The following TAF7L variants were observed in gnomAD, a reference collection of about 807,000 sequenced individuals.
The protein encoded by TAF7L is transcription initiation factor TFIID subunit 7-like.
A neutral mutation model predicts 30.2 loss-of-function variants in TAF7L; 6 were observed. That is an observed-to-expected ratio of 0.20 (90% CI 0.11 to 0.39). The LOEUF (loss-of-function observed/expected upper bound fraction) is 0.39. TAF7L is among the 10% of genes least tolerant of loss of function. The pLI, the probability that TAF7L is intolerant of heterozygous loss-of-function variation, is 1.00. For synonymous variants in TAF7L, 93 were observed against 94.5 expected (o/e 0.98, Z 0.09); for missense variants, 284 against 277.1 (o/e 1.03, Z -0.18).
At chrX:101,278,689 G>A (rs757988636) in intron 7 of TAF7L, among the ~76,000 whole-genome samples, 1 of 112,569 alleles carries the variant, frequency 8.9e-6, no homozygotes, top group East Asian at 2.8e-4. Flanking sequence ...AACAACTGCT[G>A]TTAAAAGTGA....
intron 12 of TAF7L, among the ~76,000 whole-genome samples, chrX:101,271,964 G>A (rs1340075875): frequency 1.8e-5 from 2 of 111,570 alleles, no homozygotes. Flanking sequence ...TTGCTGAGAG[G>A]AAGGGAATAT....
At chrX:101,287,015 T>C (rs1397678399) in intron 2 of TAF7L, among the ~76,000 whole-genome samples, 1 of 112,203 alleles carries the variant, frequency 8.9e-6, no homozygotes, top group Admixed American at 9.5e-5. Flanking sequence ...ATCCTTAATA[T>C]AGCTGCCTAG....
At chrX:101,272,575 A>G (rs867798928) in intron 12 of TAF7L, among the ~76,000 whole-genome samples, 1 of 111,856 alleles carries the variant, frequency 8.9e-6, no homozygotes, top group Middle Eastern at 4.6e-3. Context: ...TAACTAGAAT[A>G]GGCAGTAGAT....
upstream of TAF7L, chrX:101,292,868 C>G: frequency 8.3e-7 from 1 of 1,211,506 alleles, no homozygotes; most frequent in South Asian, 1.8e-5. Flanking sequence ...GTGTCCTCGT[C>G]GGCAGGAATC....
Position 101,269,219 on chromosome X carries a change from G to C in TAF7L, c.1105C>G (p.Gln369Glu), listed in dbSNP as rs1923890871. Reference protein sequence around the residue: ...KNEKLISLQEQLQRFLKK With the variant: ...KNEKLISLQEELQRFLKK ...CACTTCTTCAGAAAACGCTGCAACTGTTCCTGTAGGGAAATGAGCTGTAGG... is the reference window on the plus strand; with the variant it reads ...CACTTCTTCAGAAAACGCTGCAACTCTTCCTGTAGGGAAATGAGCTGTAGG... Residue 369 changes from glutamine (Q) to glutamate (E), a missense_variant, in exon 13 of 13, where the codon CAG becomes GAG. By Grantham distance (29) the Gln-to-Glu change is conservative. Coordinates refer to ENST00000356784, the MANE Select transcript of TAF7L (RefSeq NM_001168474.2). 7.5e-6 allele frequency: 9 copies of C among 1,207,132 alleles called. No homozygotes were observed. Among genetic ancestry groups the C allele is most frequent in the Non-Finnish European group, 9.0e-6 (8 of 893,420 alleles).
At chrX:101,289,744 G>A (rs1421005478) in intron 1 of TAF7L, among the ~76,000 whole-genome samples, 1 of 109,888 alleles carries the variant, frequency 9.1e-6, no homozygotes, top group African/African-American at 3.3e-5. Flanking sequence ...CACCACACCC[G>A]GCTAAATTTT....
upstream of TAF7L, chrX:101,292,940 C>A (rs778574550): frequency 1.2e-5 from 15 of 1,210,766 alleles, no homozygotes; most frequent in South Asian, 1.8e-5. Flanking sequence ...GACCCACGGT[C>A]GACAAGAATT....
chrX:101,276,337 A>G lies in TAF7L; in HGVS notation c.883T>C (p.Tyr295His), dbSNP rs759663648. The change falls in exon 10 of 13, where the codon TAT becomes CAT. Residue 295 changes from tyrosine to histidine, a missense_variant. By Grantham distance (83) the Tyr-to-His change is moderately conservative. Coordinates refer to ENST00000356784, the MANE Select transcript of TAF7L (RefSeq NM_001168474.2). ...LQAEFIESGQ[Y>H]RANEGTSSIV... ...GAACTGGTACCTTCATTTGCCCTAT[A>G]CTGGCCAGATTCAATAAACTCGGCC... The G allele has an allele frequency of 5.0e-6, 6 of 1,208,776 alleles. No individual in the cohort carries two copies. In the East Asian group the frequency reaches 1.8e-4, roughly 36 times the overall value.
chrX:101,275,559 G>C (rs1375181261), intron 11 of TAF7L, among the ~76,000 whole-genome samples: 1 of 109,563 alleles, frequency 9.1e-6, no homozygotes. Flanking sequence ...GTAGAGATGA[G>C]GTTTCATCTC....
Position 101,290,566 on chromosome X carries a change from C to A in TAF7L, c.-3+658G>T, listed in dbSNP as rs145726727. ...CTGGGGCATTTTGTTCATTTCCAAG[C>A]CTTTTTGGTAATTCCTCTTTTATGG... is the stretch of plus-strand genomic sequence containing the variant. On this transcript the variant is annotated intron_variant, in intron 1 of 12. Transcript: ENST00000356784. 9.9e-3 allele frequency among the ~76,000 whole-genome samples: 1,109 copies of A among 111,744 alleles called. 12 individuals are homozygous for A. Among genetic ancestry groups the A allele is most frequent in the Non-Finnish European group, 0.016 (864 of 53,101 alleles).
intron 12 of TAF7L, 25 bp from the exon 13 acceptor site, chrX:101,269,262 G>GA: frequency 8.5e-7 from 1 of 1,180,421 alleles, no homozygotes. Flanking sequence ...AGAAAGACAT[G>GA]AAAAATTCAT....
chrX:101,291,404 C>G (rs1462106982), upstream of TAF7L: 1 of 409,606 alleles, frequency 2.4e-6, no homozygotes, highest in African/African-American at 2.7e-5. Context: ...CACGCCTCCG[C>G]GGCCGCGCTG....
chrX:101,291,171 C>G, intron 1 of TAF7L, 53 bp downstream of exon 1: 1 of 608,167 alleles, frequency 1.6e-6, no homozygotes, highest in Non-Finnish European at 2.0e-6. Context: ...GCGGGGTGCA[C>G]ACTGGCGGGG....
chrX:101,275,179 T>C, intron 12 of TAF7L, 43 bp downstream of exon 12: 1 of 956,410 alleles, frequency 1.0e-6, no homozygotes. Flanking sequence ...GGGGATTCTC[T>C]GTATCAAATG....
chrX:101,278,381 T>C (rs951492647), intron 7 of TAF7L, among the ~76,000 whole-genome samples: 5 of 112,526 alleles, frequency 4.4e-5, no homozygotes, highest in African/African-American at 1.3e-4. Flanking sequence ...TGCAGCTCTA[T>C]GGTAAAGCCC....
intron 3 of TAF7L, among the ~76,000 whole-genome samples, chrX:101,284,264 G>T (rs183767087): frequency 8.9e-6 from 1 of 112,310 alleles, no homozygotes; most frequent in Non-Finnish European, 1.9e-5. Flanking sequence ...TGTCAATAAG[G>T]AAGTAACAAG....
chrX:101,291,488 C>CGGAGCGCCGAGG (rs1163482325), upstream of TAF7L, among the ~76,000 whole-genome samples: 70 of 112,081 alleles, frequency 6.2e-4, no homozygotes, highest in Non-Finnish European at 6.4e-4. Context: ...TCGAAAGGCG[C>CGGAGCGCCGAGG]GGAGCGCCGA....
chrX:101,291,271 G>A lies in TAF7L; in HGVS notation c.-50C>T, dbSNP rs1475553217. On this transcript the variant is annotated 5_prime_UTR_variant, in exon 1 of 13. It adds an upstream start codon to the 5' untranslated region. Transcript: ENST00000356784. ...CGACACCGAAAAGGCTGGGACCTGC[G>A]TCTCTGGTCTGTGGGTTCCGGACGA... The A allele has an allele frequency of 4.8e-5, 36 of 752,896 alleles. No homozygotes were observed. The highest frequency in any genetic ancestry group is 5.6e-5 in the Non-Finnish European group (36 of 638,888). 62.0% of individuals were successfully genotyped at this position (752,896 alleles called of 1,213,427 possible).
In TAF7L at chrX:101,286,545, A is replaced by G. The variant is rs770598783; in HGVS notation, c.145+30T>C. 5.7e-6 allele frequency: 6 copies of G among 1,048,252 alleles called. No homozygotes were observed. The Admixed American group carries it at 6.7e-5, about 12-fold the overall frequency. The allele number at this position is 1,048,252 out of a possible 1,213,427, so 86.4% of individuals were successfully genotyped here. ...CAATCCCTTAATAAATTATTGTTCAATGTATAGTGAATGGATATTAACTAC... is the reference window on the plus strand; with the variant it reads ...CAATCCCTTAATAAATTATTGTTCAGTGTATAGTGAATGGATATTAACTAC... On this transcript the variant is annotated intron_variant, in intron 3 of 12. Coordinates refer to ENST00000356784, the MANE Select transcript of TAF7L (RefSeq NM_001168474.2).
Sources: allele counts gnomAD v4.1 joint callset (sites outside exome capture counted in the v4.1 genomes callset), GRCh38; gene constraint gnomAD v4.1.1; transcripts MANE v1.5; gene names NCBI Gene and HGNC (gene_info 2026-07-23, HGNC 2026-07-21).